Variants in TRIM5 observed in about 807,000 individuals in gnomAD.
TRIM5 encodes tripartite motif containing 5.
In TRIM5, 31 loss-of-function variants were observed where a neutral mutation model predicts 35.6. That is an observed-to-expected ratio of 0.87 (90% CI 0.65 to 1.18). TRIM5 has a LOEUF of 1.18. Ranked by LOEUF, TRIM5 falls within the 50% of genes most tolerant of loss-of-function variation. The pLI is 0.00. For synonymous variants in TRIM5, 243 were observed against 215.6 expected (o/e 1.13, Z -1.11); for missense variants, 609 against 591.6 (o/e 1.03, Z -0.31).
At chr11:5,613,772 G>C in the TRIM5 span, among the ~76,000 whole-genome samples, 1 of 152,116 alleles carries the variant, frequency 6.6e-6, no homozygotes, top group Admixed American at 6.6e-5. Flanking sequence ...GAGTTCTAGG[G>C]ATGTGGTATA....
the TRIM5 span, chr11:5,611,400 T>C: frequency 1.5e-6 from 2 of 1,310,292 alleles, no homozygotes; most frequent in Non-Finnish European, 2.1e-6. Flanking sequence ...CAGCATGTGA[T>C]TCTCCCTTCT....
the TRIM5 span, chr11:5,603,882 CT>C: frequency 1.4e-6 from 2 of 1,420,806 alleles, no homozygotes; most frequent in Non-Finnish European, 9.3e-7. Context: ...AGAATAGATT[CT>C]TTATCATTTA....
the TRIM5 span, chr11:5,608,496 C>G: frequency 6.4e-7 from 1 of 1,553,616 alleles, no homozygotes. Context: ...GGGGAAGATT[C>G]AAGAGAGTAG....
the TRIM5 span, chr11:5,589,911 C>G: frequency 1.3e-5 from 2 of 153,716 alleles, no homozygotes; most frequent in African/African-American, 4.8e-5. Context: ...GGTCTGCGCG[C>G]GGCGCTTGCG....
At chr11:5,651,035 T>G in the TRIM5 span, among the ~76,000 whole-genome samples, 2 of 152,152 alleles carry the variant, frequency 1.3e-5, no homozygotes, top group African/African-American at 4.8e-5. Flanking sequence ...CAAATCTTAC[T>G]CTTTTCAAGT....
downstream of TRIM5, among the ~76,000 whole-genome samples, chr11:5,661,341 T>G (rs1850820058): frequency 6.6e-6 from 1 of 152,094 alleles, no homozygotes; most frequent in South Asian, 2.1e-4. Context: ...TCTCTCCCTT[T>G]GAATCTTAGA....
chr11:5,606,655 T>C, the TRIM5 span, among the ~76,000 whole-genome samples: 2 of 152,220 alleles, frequency 1.3e-5, no homozygotes, highest in African/African-American at 2.4e-5. Flanking sequence ...ATCATTGATA[T>C]TATTACCCTG....
the TRIM5 span, among the ~76,000 whole-genome samples, chr11:5,601,781 C>T: frequency 4.7e-4 from 72 of 152,092 alleles, no homozygotes; most frequent in African/African-American, 1.7e-3. Flanking sequence ...AAATTACCAC[C>T]CCTTATTGTG....
At chr11:5,643,139 TGC>T in the TRIM5 span, 1 of 1,433,900 alleles carries the variant, frequency 7.0e-7, no homozygotes, top group Non-Finnish European at 9.1e-7. Context: ...TTTTTTTTCT[TGC>T]AGTGGATGTC....
chr11:5,603,661 T>C, the TRIM5 span: 1 of 1,613,514 alleles, frequency 6.2e-7, no homozygotes, highest in Non-Finnish European at 8.5e-7. Context: ...GGTCATTTGC[T>C]GGCTTTGTGA....
At chr11:5,610,190 G>T in the TRIM5 span, 12 of 1,614,030 alleles carry the variant, frequency 7.4e-6, no homozygotes, top group African/African-American at 4.0e-5. Flanking sequence ...TCCCTACAAA[G>T]CTGAGAAGTA....
the TRIM5 span, among the ~76,000 whole-genome samples, chr11:5,599,346 G>A: frequency 6.6e-6 from 1 of 151,460 alleles, no homozygotes; most frequent in Non-Finnish European, 1.5e-5. Flanking sequence ...AATTGGAATT[G>A]GACTTTCAAT....
the TRIM5 span, chr11:5,643,706 T>C: frequency 1.9e-6 from 3 of 1,573,426 alleles, no homozygotes; most frequent in Non-Finnish European, 2.6e-6. Flanking sequence ...CACCAAGCTC[T>C]TGAATTTTCT....
chr11:5,659,964 T>C (rs1251403638), downstream of TRIM5, among the ~76,000 whole-genome samples: 5 of 152,174 alleles, frequency 3.3e-5, no homozygotes, highest in Non-Finnish European at 4.4e-5. Flanking sequence ...TTCTAGTTGC[T>C]ATGGCAGGCA....
rs60053655 is a variant in TRIM5 at position 5,665,477 on chromosome 11, G to A, written c.896-82C>T. ...GAGAGAAATCTTGATAAAGACTTGA[G>A]AGAAAACTGGGAGGAACCTTGTTTA... On this transcript the variant is annotated intron_variant, in intron 7 of 7. Coordinates refer to ENST00000380034, the MANE Select transcript of TRIM5 (RefSeq NM_033034.3). 3,046 of 1,544,382 alleles carry A rather than the reference G, an allele frequency of 2.0e-3. 54 individuals are homozygous for A. The African/African-American group carries it at 0.033, about 17-fold the overall frequency.
intron 4 of TRIM5, among the ~76,000 whole-genome samples, chr11:5,675,790 C>A (rs1288284541): frequency 7.1e-6 from 1 of 140,672 alleles, no homozygotes; most frequent in Non-Finnish European, 1.5e-5. Context: ...CATGCTGGTG[C>A]GCTGCACCCA....
intron 4 of TRIM5, among the ~76,000 whole-genome samples, chr11:5,667,914 G>C (rs11821656): frequency 0.17 from 25,191 of 152,090 alleles, 2,330 homozygotes; most frequent in African/African-American, 0.24. Flanking sequence ...AGTAGAAATA[G>C]CTTTCATCCC....
chr11:5,684,496 T>C (rs2134154812), intron 1 of TRIM5, among the ~76,000 whole-genome samples: 1 of 152,236 alleles, frequency 6.6e-6, no homozygotes, highest in African/African-American at 2.4e-5. Flanking sequence ...CAGGCCAAGG[T>C]GATGAGAACT....
At chr11:5,634,859 C>T in the TRIM5 span, 6 of 1,611,776 alleles carry the variant, frequency 3.7e-6, no homozygotes, top group Non-Finnish European at 5.1e-6. Flanking sequence ...GGAGCTGCTG[C>T]AGGTAAGAAG....
Sources: allele counts gnomAD v4.1 joint callset (sites outside exome capture counted in the v4.1 genomes callset), GRCh38; gene constraint gnomAD v4.1.1; transcripts MANE v1.5; gene names NCBI Gene and HGNC (gene_info 2026-07-23, HGNC 2026-07-21).